ARMC3: variants seen among roughly 807,000 people sequenced by gnomAD.
ARMC3 encodes the protein armadillo repeat containing 3.
Under a neutral mutation model 90.3 loss-of-function variants are expected in ARMC3, and 74 were observed. The ratio of observed to expected loss-of-function variants is 0.82; its 90% CI spans 0.68 to 0.99. ARMC3 has a LOEUF of 0.99. ARMC3 is among the 50% of genes least tolerant of loss of function. ARMC3 has a pLI of 0.00. For synonymous variants in ARMC3, 334 were observed against 361.8 expected (o/e 0.92, Z 0.87); for missense variants, 958 against 1,042.8 (o/e 0.92, Z 1.12).
chr10:22,936,475 A>C (rs1178306348), intron 2 of ARMC3, among the ~76,000 whole-genome samples: 1 of 152,186 alleles, frequency 6.6e-6, no homozygotes, highest in Non-Finnish European at 1.5e-5. Context: ...AGAGACATAA[A>C]AATATCTCTA....
chr10:22,939,153 T>A (rs1234445816), intron 2 of ARMC3, among the ~76,000 whole-genome samples: 2 of 152,198 alleles, frequency 1.3e-5, no homozygotes, highest in Non-Finnish European at 2.9e-5. Flanking sequence ...AGAGGATGAT[T>A]ACTATCTAAG....
chr10:23,015,285 T>TA (rs1360270909), intron 16 of ARMC3, among the ~76,000 whole-genome samples: 1 of 152,214 alleles, frequency 6.6e-6, no homozygotes, highest in African/African-American at 2.4e-5. Context: ...GTACTCCCCT[T>TA]AATGGCAAAA....
intron 11 of ARMC3, among the ~76,000 whole-genome samples, chr10:23,000,895 C>T (rs970200487): frequency 6.6e-5 from 10 of 152,136 alleles, no homozygotes; most frequent in African/African-American, 2.4e-4. Context: ...ACATTTCAGA[C>T]ATGAGACAAG....
chr10:23,033,057 G>C lies in ARMC3; in HGVS notation c.2409+34G>C, dbSNP rs369721205. Reference sequence around the variant, plus strand: ...GGTATTTTGCCTCATTTGCCATTAAGTAAAAATGCTTTGTCTTTATCATAC... The same window carrying C: ...GGTATTTTGCCTCATTTGCCATTAACTAAAAATGCTTTGTCTTTATCATAC... On this transcript the variant is annotated intron_variant, in intron 18 of 18. Transcript: ENST00000298032. 3 of 1,602,622 alleles carry C rather than the reference G, an allele frequency of 1.9e-6. No homozygotes were observed. The African/African-American group carries it at 4.0e-5, about 22-fold the overall frequency.
chr10:22,930,776 G>A (rs1588797713), intron 1 of ARMC3, among the ~76,000 whole-genome samples: 1 of 152,102 alleles, frequency 6.6e-6, no homozygotes, highest in Non-Finnish European at 1.5e-5. Flanking sequence ...TGAGACTATG[G>A]TAATTTCCTT....
In ARMC3 at chr10:22,959,575, G is replaced by T. The variant is rs1835105013; in HGVS notation, c.537+1G>T. ...GGAATGCATTTACAACTTGGTGCAG[G>T]TAAGATTAATTTCTAAAAAGCGTTC... On this transcript the variant is annotated splice_donor_variant, in intron 6 of 18. Coordinates refer to ENST00000298032, the MANE Select transcript of ARMC3 (RefSeq NM_173081.5). LOFTEE classifies it high-confidence loss of function. The T allele has an allele frequency of 6.3e-7, 1 of 1,580,236 alleles. No homozygotes were observed. The highest frequency in any genetic ancestry group is 1.4e-5 in the African/African-American group (1 of 72,980).
intron 4 of ARMC3, among the ~76,000 whole-genome samples, chr10:22,956,552 G>C (rs1448289126): frequency 6.6e-6 from 1 of 151,894 alleles, no homozygotes; most frequent in Non-Finnish European, 1.5e-5. Context: ...GCAGTGAGCT[G>C]AGATTGCGCC....
intron 17 of ARMC3, among the ~76,000 whole-genome samples, chr10:23,031,742 C>CT (rs1041509808): frequency 6.6e-6 from 1 of 152,000 alleles, no homozygotes; most frequent in Non-Finnish European, 1.5e-5. Context: ...AAACAATTGT[C>CT]TTTTTTTAAC....
chr10:22,978,845 C>T (rs1350338530), intron 8 of ARMC3, among the ~76,000 whole-genome samples: 1 of 151,844 alleles, frequency 6.6e-6, no homozygotes, highest in African/African-American at 2.4e-5. Context: ...TTTTTACTTT[C>T]CATCATCATA....
At chr10:23,007,822 G>T (rs553178273) in intron 14 of ARMC3, among the ~76,000 whole-genome samples, 12 of 152,046 alleles carry the variant, frequency 7.9e-5, no homozygotes, top group Non-Finnish European at 1.5e-5. Context: ...CTTTATAATA[G>T]TCTTCTTGCA....
At chr10:22,938,409 A>G (rs2131150887) in intron 2 of ARMC3, among the ~76,000 whole-genome samples, 1 of 152,358 alleles carries the variant, frequency 6.6e-6, no homozygotes, top group South Asian at 2.1e-4. Flanking sequence ...GGAAGGTGAC[A>G]AAGAGAGTAG....
chr10:22,937,151 C>G (rs1295172800), intron 2 of ARMC3, among the ~76,000 whole-genome samples: 2 of 152,176 alleles, frequency 1.3e-5, no homozygotes, highest in Non-Finnish European at 2.9e-5. Context: ...GATCTTCCCC[C>G]CTCGGCCTCC....
At position 22,932,007 on chromosome 10, in the gene ARMC3, A is replaced by C; in HGVS notation, c.11A>C (p.Lys4Thr). The C allele has an allele frequency of 1.2e-6, 2 of 1,606,272 alleles. No individual in the cohort carries two copies. The highest frequency in any genetic ancestry group is 1.7e-6 in the Non-Finnish European group (2 of 1,177,652). ...GCATCTTTTTCCAGGATGGGTAAAA[A>C]GATAAAGAAGGAAGTAGAGCCTCCT... Reference protein sequence around the residue: MGKKIKKEVEPPPK... With the variant: MGKTIKKEVEPPPK... The change falls in exon 2 of 19, where the codon AAG (lysine) becomes ACG (threonine). Residue 4 changes from lysine to threonine, a missense_variant. Lys to Thr is a moderately conservative substitution (Grantham distance 78). Coordinates refer to ENST00000298032, the MANE Select transcript of ARMC3 (RefSeq NM_173081.5).
At chr10:22,935,030 T>C (rs929922936) in intron 2 of ARMC3, among the ~76,000 whole-genome samples, 7 of 152,202 alleles carry the variant, frequency 4.6e-5, no homozygotes, top group African/African-American at 1.4e-4. Flanking sequence ...TCAGAGGTGA[T>C]TGAGCTTCAG....
In ARMC3 at chr10:23,032,881, G is replaced by C. The variant is rs1192451741; in HGVS notation, c.2267G>C (p.Gly756Ala). Residue 756 changes from glycine to alanine, a missense_variant, in exon 18 of 19, where the codon GGT (glycine) becomes GCT (alanine). Transcript: ENST00000298032. Reference protein sequence around the residue: ...DLAKYVAEKMGGKIPKEKLPD... With the variant: ...DLAKYVAEKMAGKIPKEKLPD... ...CACAGGTATGTAGCAGAAAAAATGG[G>C]TGGTAAGATTCCAAAAGAGAAACTA... 1.9e-6 allele frequency: 3 copies of C among 1,612,168 alleles called. No individual in the cohort carries two copies. In the East Asian group the frequency reaches 6.7e-5, roughly 36 times the overall value.
intron 8 of ARMC3, among the ~76,000 whole-genome samples, chr10:22,979,852 G>C (rs933463633): frequency 2.0e-5 from 3 of 152,134 alleles, no homozygotes; most frequent in Non-Finnish European, 4.4e-5. Context: ...AGGATTACAG[G>C]ACATGGTTCA....
At chr10:22,956,593 A>G (rs968197331) in intron 4 of ARMC3, among the ~76,000 whole-genome samples, 1 of 151,836 alleles carries the variant, frequency 6.6e-6, no homozygotes, top group African/African-American at 2.4e-5. Flanking sequence ...ACAGAGTGAG[A>G]CTGTCTCAAA....
At chr10:22,987,335 TA>T (rs1836496563) in intron 10 of ARMC3, among the ~76,000 whole-genome samples, 1 of 152,216 alleles carries the variant, frequency 6.6e-6, no homozygotes, top group African/African-American at 2.4e-5. Flanking sequence ...TATTACTTTA[TA>T]ACATCACTGC....
chr10:23,024,821 T>G (rs150885208), intron 16 of ARMC3, among the ~76,000 whole-genome samples: 2 of 152,306 alleles, frequency 1.3e-5, no homozygotes, highest in East Asian at 3.9e-4. Flanking sequence ...GGATAAGAAG[T>G]TATGATCCGA....
Sources: gnomAD v4.1 joint callset for allele counts (sites outside exome capture counted in the v4.1 genomes callset) on GRCh38, gnomAD v4.1.1 for gene constraint, MANE v1.5 for transcripts, NCBI Gene and HGNC (gene_info 2026-07-23, HGNC 2026-07-21) for gene names.